ITM2B: variants seen among roughly 807,000 people sequenced by gnomAD.
ITM2B encodes integral membrane protein 2B.
Under a neutral mutation model 27.8 loss-of-function variants are expected in ITM2B, and 11 were observed. The observed-to-expected ratio is 0.40, with a 90% CI of 0.25 to 0.66. The LOEUF (loss-of-function observed/expected upper bound fraction) is 0.66, where lower values mean the gene tolerates loss of function less well. ITM2B is among the 30% of genes least tolerant of loss of function. The pLI is 0.43. For synonymous variants in ITM2B, 114 were observed against 114.3 expected, an observed-to-expected ratio of 1.00 and a Z score of 0.02; for missense variants, 296 against 328.9, an observed-to-expected ratio of 0.90 and a Z score of 0.77.
At chr13:48,241,501 G>A (rs1951699943) in intron 1 of ITM2B, among the ~76,000 whole-genome samples, 1 of 152,164 alleles carries the variant, frequency 6.6e-6, no homozygotes, top group Non-Finnish European at 1.5e-5. Context: ...CTGAGCCATA[G>A]CACCTGGCCC....
intron 1 of ITM2B, among the ~76,000 whole-genome samples, chr13:48,238,694 T>C (rs760217824): frequency 9.2e-5 from 14 of 152,326 alleles, no homozygotes; most frequent in Non-Finnish European, 2.1e-4. Context: ...TGGTGGTGGA[T>C]ATTTTGTACT....
chr13:48,249,094 C>CT (rs761481916), intron 1 of ITM2B, among the ~76,000 whole-genome samples: 6 of 152,164 alleles, frequency 3.9e-5, no homozygotes, highest in Non-Finnish European at 8.8e-5. Flanking sequence ...CATATATCCA[C>CT]CCCAACAATC....
In ITM2B at chr13:48,261,326, G is replaced by A; in HGVS notation, c.*102G>A. 3 of 820,858 alleles carry A rather than the reference G, an allele frequency of 3.7e-6. No homozygotes were observed. Among genetic ancestry groups the A allele is most frequent in the East Asian group, 5.0e-5 (2 of 40,034 alleles). 50.8% of individuals were successfully genotyped at this position (820,858 alleles called of 1,614,324 possible). ...TTTTTTAAAGTCTTCTTTCATGTAA[G>A]TAGCAAACAGGGCTTTACTATCTTT... On this transcript the variant is annotated 3_prime_UTR_variant, in exon 6 of 6. Coordinates refer to ENST00000647800, the MANE Select transcript of ITM2B (RefSeq NM_021999.5).
Position 48,233,222 on chromosome 13 carries a change from G to T in ITM2B, c.-139G>T. On this transcript the variant is annotated 5_prime_UTR_variant, in exon 1 of 6. Transcript: ENST00000647800. ...CCCTACCGCAGTAGCCGCCTCTGCC[G>T]CCGCGGAGCTTCCCGAACCTCTTCA... 1 of 463,872 alleles carries T rather than the reference G, an allele frequency of 2.2e-6. No individual in the cohort carries two copies. The allele number at this position is 463,872 out of a possible 1,614,324, so 28.7% of individuals were successfully genotyped here.
rs1951645785 is a variant in ITM2B, at chr13:48,233,301, G to T, written c.-60G>T. The T allele has an allele frequency of 9.0e-7, 1 of 1,116,728 alleles. No homozygotes were observed. Among genetic ancestry groups the T allele is most frequent in the Non-Finnish European group, 1.3e-6 (1 of 778,986 alleles). 69.2% of individuals were successfully genotyped at this position (1,116,728 alleles called of 1,614,324 possible). ...CCGTAGAGGCTGCAATCGCAGCCGG[G>T]AGCCCGCAGCCCGCGCCCCGAGCCC... On this transcript the variant is annotated 5_prime_UTR_variant, in exon 1 of 6. Transcript: ENST00000647800.
In ITM2B at chr13:48,263,114, A is replaced by G. The variant is rs1414933255; in HGVS notation, c.*1890A>G. 1 of 152,120 alleles carries G rather than the reference A, an allele frequency of 6.6e-6. No individual in the cohort carries two copies. The highest frequency in any genetic ancestry group is 6.6e-5 in the Admixed American group (1 of 15,264). 9.4% of individuals were successfully genotyped at this position (152,120 alleles called of 1,614,324 possible). A position where few individuals can be genotyped will look rare whatever the true frequency, so the allele number is the denominator to read the frequency against. ...CAGACTCCCAGGGACCCAAACTTAC[A>G]CTTTACTAAATGTAATTCTTTCATT... On this transcript the variant is annotated 3_prime_UTR_variant, in exon 6 of 6. Coordinates refer to ENST00000647800, the MANE Select transcript of ITM2B (RefSeq NM_021999.5).
At chr13:48,252,737 C>T (rs1399514734) in intron 1 of ITM2B, among the ~76,000 whole-genome samples, 1 of 152,140 alleles carries the variant, frequency 6.6e-6, no homozygotes, top group Non-Finnish European at 1.5e-5. Context: ...CTGCCTTAAG[C>T]CTACTCCATA....
chr13:48,238,468 C>T (rs779417943), intron 1 of ITM2B, among the ~76,000 whole-genome samples: 1 of 152,046 alleles, frequency 6.6e-6, no homozygotes, highest in African/African-American at 2.4e-5. Context: ...TGAGTTGTAG[C>T]GATGAGGAAA....
At chr13:48,253,153 A>G (rs144131959) in intron 1 of ITM2B, among the ~76,000 whole-genome samples, 241 of 152,348 alleles carry the variant, frequency 1.6e-3, no homozygotes, top group African/African-American at 5.5e-3. Flanking sequence ...AAGAAAGTGA[A>G]GAATTTTATC....
intron 1 of ITM2B, among the ~76,000 whole-genome samples, chr13:48,245,088 G>A (rs1468301038): frequency 2.0e-5 from 3 of 152,178 alleles, no homozygotes; most frequent in Non-Finnish European, 2.9e-5. Context: ...CACTTTGGGA[G>A]GCTGAGGCGG....
At chr13:48,254,599 AG>A (rs1951774748) in intron 2 of ITM2B, among the ~76,000 whole-genome samples, 1 of 152,044 alleles carries the variant, frequency 6.6e-6, no homozygotes, top group South Asian at 2.1e-4. Flanking sequence ...GGAGTTTTGA[AG>A]GGGAAATTAC....
chr13:48,235,657 C>G (rs1412740800), intron 1 of ITM2B, among the ~76,000 whole-genome samples: 1 of 152,184 alleles, frequency 6.6e-6, no homozygotes, highest in Non-Finnish European at 1.5e-5. Flanking sequence ...TTCTCTGGCT[C>G]CTTGCGGGTG....
intron 1 of ITM2B, among the ~76,000 whole-genome samples, chr13:48,251,709 T>A (rs1299483510): frequency 1.3e-5 from 2 of 152,204 alleles, no homozygotes; most frequent in African/African-American, 4.8e-5. Flanking sequence ...TGCGCACATT[T>A]GGCTGTCCCA....
rs763629732 is a variant in ITM2B, at chr13:48,258,920, A to G, written c.688A>G (p.Lys230Glu). The change falls in exon 5 of 6, where the codon AAA (lysine) becomes GAA (glutamate). Residue 230 changes from lysine to glutamate, a missense_variant. Coordinates refer to ENST00000647800, the MANE Select transcript of ITM2B (RefSeq NM_021999.5). ...YRLCHDKETYKLQRRETIKGI... is the reference protein window; with the variant it reads ...YRLCHDKETYELQRRETIKGI... ...ACTGTGTCATGACAAGGAAACTTAC[A>G]AACTGCAACGCAGAGAAACTATTAA... 5 of 1,613,590 alleles carry G rather than the reference A, an allele frequency of 3.1e-6. No homozygotes were observed. The highest frequency in any genetic ancestry group is 4.2e-6 in the Non-Finnish European group (5 of 1,179,572).
chr13:48,247,339 G>T (rs1951730389), intron 1 of ITM2B, among the ~76,000 whole-genome samples: 1 of 152,026 alleles, frequency 6.6e-6, no homozygotes, highest in Non-Finnish European at 1.5e-5. Flanking sequence ...AATGGTATTG[G>T]TTCTTTTTTT....
chr13:48,239,975 G>A (rs1009772213), intron 1 of ITM2B, among the ~76,000 whole-genome samples: 1 of 152,092 alleles, frequency 6.6e-6, no homozygotes, highest in Non-Finnish European at 1.5e-5. Flanking sequence ...TTGGGGAGGG[G>A]CTGCTGCTAT....
At chr13:48,256,702 A>G (rs1164627773) in intron 3 of ITM2B, among the ~76,000 whole-genome samples, 2 of 152,156 alleles carry the variant, frequency 1.3e-5, no homozygotes, top group East Asian at 1.9e-4. Flanking sequence ...TCTTGGTAGC[A>G]TTTTCAAAAT....
At chr13:48,254,406 T>C (rs9332281) in intron 2 of ITM2B, among the ~76,000 whole-genome samples, 7,603 of 152,258 alleles carry the variant, frequency 0.05, 397 homozygotes, top group African/African-American at 0.13. Context: ...ATGGTTTCAC[T>C]AAAGAACTGG....
rs367954230 is a variant in ITM2B at position 48,269,191 on chromosome 13, C to G, written c.*7967C>G. The G allele has an allele frequency of 1.3e-5, 2 of 152,004 alleles. No homozygotes were observed. The highest frequency in any genetic ancestry group is 2.9e-5 in the Non-Finnish European group (2 of 67,990). The allele number at this position is 152,004 out of a possible 1,614,324, so 9.4% of individuals were successfully genotyped here. ...AGTCATTCTAGATTCCTCTCTTTTT[C>G]ATAAACCTCACATCAAATCCATCAG... On this transcript the variant is annotated 3_prime_UTR_variant, in exon 6 of 6. Transcript: ENST00000647800.
Sources: allele counts gnomAD v4.1 joint callset (sites outside exome capture counted in the v4.1 genomes callset), GRCh38; gene constraint gnomAD v4.1.1; transcripts MANE v1.5; gene names NCBI Gene and HGNC (gene_info 2026-07-23, HGNC 2026-07-21).